ACACB: variants seen among roughly 807,000 people sequenced by gnomAD.
The protein encoded by ACACB is acetyl-CoA carboxylase 2.
A neutral mutation model predicts 278.8 loss-of-function variants in ACACB; 209 were observed. That is an observed-to-expected ratio of 0.75 (90% CI 0.67 to 0.84). ACACB has a LOEUF of 0.84. ACACB is among the 40% of genes least tolerant of loss of function. ACACB has a pLI of 0.00. For missense variants in ACACB, 2,850 were observed against 3,269.0 expected, an observed-to-expected ratio of 0.87 and a Z score of 3.13; for synonymous variants, 1,174 against 1,285.6, an observed-to-expected ratio of 0.91 and a Z score of 1.86.
rs1199858488 is a variant in ACACB, at chr12:109,200,192, AT to A, written c.2778+650del. On this transcript the variant is annotated intron_variant, in intron 18 of 52. Transcript: ENST00000338432. The stretch of plus-strand genomic sequence containing the variant: ...GTAAATCAGTTTCCTTGATTTCTTT[AT>A]TTTTTTTTTGAGACAAGTCTCAGTC... Among the ~76,000 whole-genome samples the A allele has an allele frequency of 8.7e-5, 13 of 148,920 alleles. No homozygotes were observed. The South Asian group carries it at 1.7e-3, about 20-fold the overall frequency.
At chr12:109,246,148 C>T (rs375246234) in intron 38 of ACACB, 31 bp from the exon 39 acceptor site, 1 of 1,584,120 alleles carries the variant, frequency 6.3e-7, no homozygotes, top group South Asian at 1.2e-5. Flanking sequence ...GAAACAAACT[C>T]ATTTTCCTTG....
intron 9 of ACACB, among the ~76,000 whole-genome samples, chr12:109,177,439 AAC>A (rs1449822464): frequency 6.6e-6 from 1 of 152,194 alleles, no homozygotes; most frequent in African/African-American, 2.4e-5. Context: ...TGCACTTTGA[AAC>A]ACATATCAGT....
intron 24 of ACACB, among the ~76,000 whole-genome samples, chr12:109,218,643 G>A (rs1429881362): frequency 6.6e-6 from 1 of 151,064 alleles, no homozygotes; most frequent in Non-Finnish European, 1.5e-5. Context: ...AGTAGAAAGG[G>A]GTTTGGCAAT....
intron 2 of ACACB, among the ~76,000 whole-genome samples, chr12:109,158,025 AT>A (rs1565871811): frequency 2.0e-5 from 3 of 152,196 alleles, no homozygotes; most frequent in Middle Eastern, 6.8e-3. Context: ...TGGTGGGGAG[AT>A]TTTTGAAAAA....
At chr12:109,257,997 C>T (rs1451733627) in intron 45 of ACACB, among the ~76,000 whole-genome samples, 4 of 152,298 alleles carry the variant, frequency 2.6e-5, no homozygotes, top group Admixed American at 6.5e-5. Context: ...ACGTGGCCCT[C>T]GTCACAGAAA....
intron 37 of ACACB, among the ~76,000 whole-genome samples, chr12:109,243,883 A>G (rs749033221): frequency 3.0e-4 from 40 of 134,302 alleles, no homozygotes; most frequent in Non-Finnish European, 5.3e-4. Flanking sequence ...GACATTATAT[A>G]TATATATATA....
chr12:109,263,928 A>G, intron 49 of ACACB: 1 of 289,332 alleles, frequency 3.5e-6, no homozygotes, highest in Non-Finnish European at 6.4e-6. Flanking sequence ...TTGCATGTTG[A>G]ATGCTGTCTT....
intron 2 of ACACB, among the ~76,000 whole-genome samples, chr12:109,150,531 G>T (rs1217143304): frequency 6.6e-6 from 1 of 152,224 alleles, no homozygotes; most frequent in Non-Finnish European, 1.5e-5. Flanking sequence ...GGATCACTGA[G>T]GTAAGAACAG....
At chr12:109,127,838 G>A (rs974807862) in intron 1 of ACACB, among the ~76,000 whole-genome samples, 4 of 152,122 alleles carry the variant, frequency 2.6e-5, no homozygotes, top group Admixed American at 2.6e-4. Flanking sequence ...TTCGCAGGGA[G>A]GGTAGACCTC....
intron 22 of ACACB, among the ~76,000 whole-genome samples, chr12:109,216,177 C>T (rs1262435860): frequency 6.6e-6 from 1 of 151,502 alleles, no homozygotes; most frequent in Admixed American, 6.6e-5. Flanking sequence ...TCCAGTGATC[C>T]TCCCACCTCA....
intron 2 of ACACB, among the ~76,000 whole-genome samples, chr12:109,148,799 T>A (rs1407726893): frequency 6.6e-6 from 1 of 152,126 alleles, no homozygotes; most frequent in Non-Finnish European, 1.5e-5. Flanking sequence ...TAAATGTGTG[T>A]GTGTGTATGC....
intron 19 of ACACB, 118 bp downstream of exon 19, chr12:109,201,819 A>G (rs1016743701): frequency 7.3e-7 from 1 of 1,379,170 alleles, no homozygotes; most frequent in African/African-American, 1.4e-5. Context: ...CCACCTGCAG[A>G]CAGAGCTCGT....
chr12:109,256,018 G>A lies in ACACB; in HGVS notation c.6167-122G>A, dbSNP rs1174220919. The A allele has an allele frequency of 5.5e-5, 36 of 660,192 alleles. No individual in the cohort carries two copies. The East Asian group carries it at 9.8e-4, about 18-fold the overall frequency. The allele number at this position is 660,192 out of a possible 1,614,324, so 40.9% of individuals were successfully genotyped here. A position where few individuals can be genotyped will look rare whatever the true frequency, so the allele number is the denominator to read the frequency against. On this transcript the variant is annotated intron_variant, in intron 44 of 52. Coordinates refer to ENST00000338432, the MANE Select transcript of ACACB (RefSeq NM_001093.4). The stretch of plus-strand genomic sequence containing the variant: ...GGCTGTGTGGTTTTAGGTAGAAAGG[G>A]GTATCTGGGCTATGAGGTTAAAGCC...
chr12:109,168,984 A>T (rs981783215), intron 4 of ACACB, among the ~76,000 whole-genome samples: 1 of 151,744 alleles, frequency 6.6e-6, no homozygotes, highest in South Asian at 2.1e-4. Flanking sequence ...TACTAAAAAT[A>T]CCTCCCAAAA....
At chr12:109,156,137 A>T (rs1451736409) in intron 2 of ACACB, among the ~76,000 whole-genome samples, 1 of 152,186 alleles carries the variant, frequency 6.6e-6, no homozygotes, top group African/African-American at 2.4e-5. Flanking sequence ...AGGAGGGAGG[A>T]TGCTTTTGCC....
intron 19 of ACACB, among the ~76,000 whole-genome samples, chr12:109,203,484 T>C (rs1363560877): frequency 2.0e-5 from 3 of 152,216 alleles, no homozygotes; most frequent in Non-Finnish European, 4.4e-5. Context: ...ATCTCACTGA[T>C]TGTCTTGTTG....
intron 2 of ACACB, among the ~76,000 whole-genome samples, chr12:109,160,474 C>G (rs1437166898): frequency 6.6e-6 from 1 of 152,196 alleles, no homozygotes; most frequent in East Asian, 1.9e-4. Context: ...ATTCCTGATA[C>G]TATTCTGCCT....
chr12:109,127,471 C>T (rs551236220), intron 1 of ACACB, among the ~76,000 whole-genome samples: 234 of 151,474 alleles, frequency 1.5e-3, no homozygotes, highest in Middle Eastern at 3.4e-3. Flanking sequence ...TGGTGGCACA[C>T]GCCTGTAGTC....
At chr12:109,160,528 C>T (rs2043689983) in intron 2 of ACACB, among the ~76,000 whole-genome samples, 1 of 152,198 alleles carries the variant, frequency 6.6e-6, no homozygotes, top group African/African-American at 2.4e-5. Flanking sequence ...GTTTGGCTGA[C>T]ACCTCTGCTG....
Sources: gnomAD v4.1 joint callset for allele counts (sites outside exome capture counted in the v4.1 genomes callset) on GRCh38, gnomAD v4.1.1 for gene constraint, MANE v1.5 for transcripts, NCBI Gene and HGNC (gene_info 2026-07-23, HGNC 2026-07-21) for gene names.